The following CDH15 variants were observed in gnomAD, a reference collection of about 807,000 sequenced individuals.
CDH15 encodes cadherin 15.
A neutral mutation model predicts 69.4 loss-of-function variants in CDH15; 73 were observed. That is an observed-to-expected ratio of 1.05 (90% confidence interval 0.87 to 1.28). The LOEUF is 1.28. Ranked by LOEUF, CDH15 falls within the 50% of genes most tolerant of loss-of-function variation. CDH15 has a pLI of 0.00. For synonymous variants in CDH15, 624 were observed against 507.7 expected, an observed-to-expected ratio of 1.23 and a Z score of -3.08; for missense variants, 1,343 against 1,133.6, an observed-to-expected ratio of 1.18 and a Z score of -2.65.
At chr16:89,193,185 C>T (rs1250012721) in intron 11 of CDH15, among the ~76,000 whole-genome samples, 1 of 116,526 alleles carries the variant, frequency 8.6e-6, no homozygotes, top group African/African-American at 3.6e-5. Context: ...CTCGCAAACC[C>T]CGCCCCCTCG....
At chr16:89,172,237 G>A (rs563773329) in intron 1 of CDH15, among the ~76,000 whole-genome samples, 139 of 152,114 alleles carry the variant, frequency 9.1e-4, no homozygotes, top group Admixed American at 4.6e-3. Flanking sequence ...AGCGGCAGGA[G>A]TGCCCCTCTC....
intron 4 of CDH15, among the ~76,000 whole-genome samples, chr16:89,184,918 A>C (rs1915449388): frequency 6.6e-6 from 1 of 152,200 alleles, no homozygotes; most frequent in Admixed American, 6.5e-5. Context: ...GCCGGGCAAA[A>C]GGCTTCGACC....
intron 5 of CDH15, 21 bp from the exon 6 acceptor site, chr16:89,187,408 C>T (rs201220677): frequency 1.2e-6 from 2 of 1,611,908 alleles, no homozygotes; most frequent in Non-Finnish European, 8.5e-7. Flanking sequence ...CATCTTCTGA[C>T]CCTGTGCCCC....
In CDH15 at chr16:89,188,172, C is replaced by T. The variant is rs1597309111; in HGVS notation, c.865C>T (p.Pro289Ser). Residue 289 changes from proline (P) to serine (S), a missense_variant, in exon 7 of 14, where the codon CCA (proline) becomes TCA (serine). Pro to Ser is a moderately conservative substitution (Grantham distance 74). Transcript: ENST00000289746. ...CCTGGAAGTGGAGGACAGGGACCTG[C>T]CAGGCTCCCCAAACTGGGTGGCCAG... ...GRLEVEDRDL[P>S]GSPNWVARFT... The T allele has an allele frequency of 6.2e-7, 1 of 1,613,300 alleles. No homozygotes were observed. The highest frequency in any genetic ancestry group is 2.2e-5 in the East Asian group (1 of 44,864).
intron 1 of CDH15, among the ~76,000 whole-genome samples, chr16:89,174,299 G>T (rs1020315909): frequency 1.3e-5 from 2 of 152,190 alleles, no homozygotes; most frequent in African/African-American, 4.8e-5. Flanking sequence ...ATTCCAGCCT[G>T]GGGGAGGGGT....
At chr16:89,173,887 G>A (rs1303266915) in intron 1 of CDH15, among the ~76,000 whole-genome samples, 9 of 152,344 alleles carry the variant, frequency 5.9e-5, no homozygotes, top group Non-Finnish European at 7.4e-5. Context: ...GCTGGGAGGC[G>A]GCTGAGGTCT....
chr16:89,180,974 C>CTTTT (rs770080908), intron 3 of CDH15, among the ~76,000 whole-genome samples: 2 of 96,998 alleles, frequency 2.1e-5, no homozygotes, highest in East Asian at 4.7e-4. Flanking sequence ...CGCGCCCGAC[C>CTTTT]TTTTTTTTTT....
chr16:89,173,949 A>C (rs112200673), intron 1 of CDH15, among the ~76,000 whole-genome samples: 1 of 152,142 alleles, frequency 6.6e-6, no homozygotes, highest in Non-Finnish European at 1.5e-5. Flanking sequence ...GAAGGTCCCC[A>C]CTTCTGCATC....
chr16:89,186,291 G>A (rs1597307752), intron 5 of CDH15: 1 of 118,456 alleles, frequency 8.4e-6, no homozygotes, highest in Non-Finnish European at 1.8e-5. Flanking sequence ...CCAGCGCACA[G>A]TAGGTGCTCT....
Position 89,190,404 on chromosome 16 carries a change from T to C in CDH15, c.1140T>C (p.Leu380=), listed in dbSNP as rs755697010. 1 of 1,612,548 alleles carries C rather than the reference T, an allele frequency of 6.2e-7. No individual in the cohort carries two copies. The highest frequency in any genetic ancestry group is 1.7e-5 in the Admixed American group (1 of 59,952). ...NEPPVFQENP[L]RTSLAEGAPP... ...CCCCCGTGTTCCAGGAGAACCCACT[T>C]CGGACCAGCCTAGCAGAGGGGGCAC... is the stretch of plus-strand genomic sequence containing the variant. Residue 380 remains leucine, a synonymous_variant, in exon 8 of 14, where the codon CTT becomes CTC. Transcript: ENST00000289746.
chr16:89,178,281 G>A (rs944120505), intron 1 of CDH15, among the ~76,000 whole-genome samples: 6 of 152,086 alleles, frequency 3.9e-5, no homozygotes, highest in Non-Finnish European at 7.4e-5. Context: ...AGGGTGGGGT[G>A]CACAGCATCT....
intron 7 of CDH15, among the ~76,000 whole-genome samples, chr16:89,189,052 C>T (rs372894354): frequency 3.8e-4 from 56 of 147,852 alleles, no homozygotes; most frequent in African/African-American, 1.3e-3. Context: ...CACAGGTGCC[C>T]ACACACAGAT....
intron 1 of CDH15, among the ~76,000 whole-genome samples, chr16:89,172,553 A>C (rs140113856): frequency 0.023 from 3,564 of 152,208 alleles, 105 homozygotes; most frequent in East Asian, 0.12. Context: ...CAGCCCCCAG[A>C]GGCTGCTGGA....
chr16:89,188,831 CACAGG>C (rs1190120083), intron 7 of CDH15, among the ~76,000 whole-genome samples: 2 of 91,960 alleles, frequency 2.2e-5, no homozygotes, highest in African/African-American at 8.9e-5. Flanking sequence ...GATGCCCACG[CACAGG>C]TGCCCACACA....
rs767359125 is a variant in CDH15, at chr16:89,192,432, C to T, written c.1843C>T (p.Leu615Phe). ...ACTGGTCATCGTGCTGGCCAGCGCCCTCCTGCTGCTGGGTGAGTGAGCGCC... is the reference window on the plus strand; with the variant it reads ...ACTGGTCATCGTGCTGGCCAGCGCCTTCCTGCTGCTGGGTGAGTGAGCGCC... ...GALVIVLASALLLLVLVLLVA... is the reference protein window; with the variant it reads ...GALVIVLASAFLLLVLVLLVA... Residue 615 changes from leucine to phenylalanine, a missense_variant, in exon 11 of 14, where the codon CTC (leucine) becomes TTC (phenylalanine). Physicochemically the swap from Leu to Phe is conservative, Grantham distance 22 (BLOSUM62 0). Transcript: ENST00000289746. 1.2e-5 allele frequency: 18 copies of T among 1,557,134 alleles called. No individual in the cohort carries two copies. In the Admixed American group the frequency reaches 2.6e-4, roughly 22 times the overall value.
chr16:89,171,800 TGCACTCCGGCCCGGCTCCC>T lies in CDH15; in HGVS notation c.-29_-11del. The T allele has an allele frequency of 6.5e-7, 1 of 1,535,846 alleles. No homozygotes were observed. Among genetic ancestry groups the T allele is most frequent in the Non-Finnish European group, 8.7e-7 (1 of 1,145,638 alleles). ...TGGACGCGCTTCTTCGGGTCGCGGG[TGCACTCCGGCCCGGCTCCC>T]GCCTCGGCCCCGATGGACGCCGCGT... On this transcript the variant is annotated 5_prime_UTR_variant, in exon 1 of 14. Coordinates refer to ENST00000289746, the MANE Select transcript of CDH15 (RefSeq NM_004933.3).
chr16:89,195,297 A>C lies in CDH15; in HGVS notation c.*142A>C. On this transcript the variant is annotated 3_prime_UTR_variant, in exon 14 of 14. Coordinates refer to ENST00000289746, the MANE Select transcript of CDH15 (RefSeq NM_004933.3). ...TAGGCGAGGGCCCAAGTCTGGGGGC[A>C]GAACCTGAGTGTGGATGGGGCGGCC... The C allele has an allele frequency of 5.7e-6, 5 of 871,544 alleles. No homozygotes were observed. The highest frequency in any genetic ancestry group is 3.4e-6 in the Non-Finnish European group (2 of 586,690). The allele number at this position is 871,544 out of a possible 1,614,324, so 54.0% of individuals were successfully genotyped here.
intron 1 of CDH15, 129 bp from the exon 2 acceptor site, chr16:89,179,287 G>A: frequency 9.4e-7 from 1 of 1,066,668 alleles, no homozygotes; most frequent in Non-Finnish European, 1.4e-6. Context: ...TGCGCCAATG[G>A]GCACCGACCC....
chr16:89,189,046 G>A (rs1441634080), intron 7 of CDH15, among the ~76,000 whole-genome samples: 1 of 131,934 alleles, frequency 7.6e-6, no homozygotes, highest in Non-Finnish European at 1.6e-5. Flanking sequence ...GGCACACACA[G>A]GTGCCCACAC....
Sources: gnomAD v4.1 joint callset for allele counts (sites outside exome capture counted in the v4.1 genomes callset) on GRCh38, gnomAD v4.1.1 for gene constraint, MANE v1.5 for transcripts, NCBI Gene and HGNC (gene_info 2026-07-23, HGNC 2026-07-21) for gene names.